Variants in TMEM51 observed in about 807,000 individuals in gnomAD.
TMEM51 encodes the protein transmembrane protein 51, also known as chromosome 1 open reading frame 72.
In TMEM51, 8 loss-of-function variants were observed where a neutral mutation model predicts 13.6. That is an observed-to-expected ratio of 0.59 (90% CI 0.35 to 1.07). The LOEUF (loss-of-function observed/expected upper bound fraction) is 1.07. Ranked by LOEUF, TMEM51 falls within the 50% of genes least tolerant of loss-of-function variation. The pLI, the probability that TMEM51 is intolerant of heterozygous loss-of-function variation, is 0.02. For missense variants in TMEM51, 279 were observed against 330.7 expected, an observed-to-expected ratio of 0.84 and a Z score of 1.21; for synonymous variants, 147 against 144.4, an observed-to-expected ratio of 1.02 and a Z score of -0.13.
intron 1 of TMEM51, among the ~76,000 whole-genome samples, chr1:15,166,162 G>A (rs1642990311): frequency 6.6e-6 from 1 of 152,126 alleles, no homozygotes; most frequent in Admixed American, 6.5e-5. Flanking sequence ...TAACAAAACT[G>A]TTATTGATAA....
chr1:15,177,978 GC>G (rs1643501168), intron 1 of TMEM51, among the ~76,000 whole-genome samples: 1 of 152,194 alleles, frequency 6.6e-6, no homozygotes, highest in Non-Finnish European at 1.5e-5. Context: ...CCTTTTCATG[GC>G]CCAGCTGAAA....
intron 1 of TMEM51, among the ~76,000 whole-genome samples, chr1:15,169,485 T>C (rs1035852993): frequency 2.0e-5 from 3 of 152,162 alleles, no homozygotes; most frequent in African/African-American, 7.2e-5. Context: ...TAAATGTGCG[T>C]GAGACTATGT....
Position 15,214,974 on chromosome 1 carries a change from T to C in TMEM51, c.-114T>C. The C allele has an allele frequency of 9.8e-7, 1 of 1,024,402 alleles. No individual in the cohort carries two copies. The highest frequency in any genetic ancestry group is 1.6e-5 in the South Asian group (1 of 60,940). 63.5% of individuals were successfully genotyped at this position (1,024,402 alleles called of 1,614,324 possible). On this transcript the variant is annotated 5_prime_UTR_variant, in exon 3 of 4. Coordinates refer to ENST00000376008, the MANE Select transcript of TMEM51 (RefSeq NM_001136218.2). ...CCGCAGGAGTTCAGCTGATATTTTC[T>C]AGTGTGGGGCGAGAGATTTTGTGGA...
At chr1:15,191,661 C>T (rs1643923775) in intron 1 of TMEM51, among the ~76,000 whole-genome samples, 1 of 152,206 alleles carries the variant, frequency 6.6e-6, no homozygotes, top group African/African-American at 2.4e-5. Context: ...ATTTTCTCTT[C>T]CTCCTCCTCA....
rs1644264524 is a variant in TMEM51 at position 15,207,166 on chromosome 1, TGC to T, written c.-266-3323_-266-3322del. ...ATGCAGCTTGGCAGGAAGAGGTCGG[TGC>T]AGGGAGAATGCTCAAGGAGCCCCTC... On this transcript the variant is annotated intron_variant, in intron 1 of 3. Transcript: ENST00000376008. The surrounding 1 kb of genome is among the most constrained non-coding windows in gnomAD (Gnocchi z 4.6). Among the ~76,000 whole-genome samples, 1 of 152,178 alleles carries T rather than the reference TGC, an allele frequency of 6.6e-6. No individual in the cohort carries two copies. Among genetic ancestry groups the T allele is most frequent in the Non-Finnish European group, 1.5e-5 (1 of 68,026 alleles).
At chr1:15,194,670 C>T (rs1644009945) in intron 1 of TMEM51, among the ~76,000 whole-genome samples, 1 of 152,136 alleles carries the variant, frequency 6.6e-6, no homozygotes, top group Admixed American at 6.5e-5. Context: ...CCTCTTTTCT[C>T]CCCTCTCCTA....
intron 2 of TMEM51, among the ~76,000 whole-genome samples, chr1:15,212,698 T>C (rs1644360859): frequency 6.6e-6 from 1 of 152,146 alleles, no homozygotes; most frequent in South Asian, 2.1e-4. Flanking sequence ...CTGTAAGAAA[T>C]AAATATCCTT....
intron 3 of TMEM51, among the ~76,000 whole-genome samples, chr1:15,218,768 T>C (rs548773017): frequency 6.6e-6 from 1 of 152,264 alleles, no homozygotes; most frequent in East Asian, 1.9e-4. Flanking sequence ...GACCTGGCAG[T>C]TACCATCCCT....
intron 1 of TMEM51, among the ~76,000 whole-genome samples, chr1:15,204,252 C>T (rs1644209637): frequency 6.6e-6 from 1 of 152,202 alleles, no homozygotes; most frequent in African/African-American, 2.4e-5. Flanking sequence ...CAGGGCTGAG[C>T]CTCCAAAGTT....
At chr1:15,219,094 G>T (rs1475309589) in intron 3 of TMEM51, among the ~76,000 whole-genome samples, 1 of 152,202 alleles carries the variant, frequency 6.6e-6, no homozygotes, top group Non-Finnish European at 1.5e-5. Context: ...TGCATGACTA[G>T]TACTTAACTC....
At chr1:15,192,766 A>G in intron 1 of TMEM51, 1 of 168,260 alleles carries the variant, frequency 5.9e-6, no homozygotes. Context: ...TGCTACTTTT[A>G]ACTTTTCTGG....
chr1:15,216,767 A>G (rs980551232), intron 3 of TMEM51, among the ~76,000 whole-genome samples: 1 of 152,210 alleles, frequency 6.6e-6, no homozygotes, highest in African/African-American at 2.4e-5. Flanking sequence ...AGTTCTATGC[A>G]GCAACTGTTG....
Position 15,215,406 on chromosome 1 carries a change from G to T in TMEM51, c.319G>T (p.Gly107Trp), listed in dbSNP as rs754430176. ...LAHVQHPTGA[G>W]PHAQEEDSQE... ...CCATGTCCAGCACCCGACAGGCGCT[G>T]GGCCTCACGCCCAGGAGGAAGACAG... Residue 107 changes from glycine to tryptophan, a missense_variant, in exon 3 of 4, where the codon GGG becomes TGG. By Grantham distance (184) the Gly-to-Trp change is radical (BLOSUM62 -2). Transcript: ENST00000376008. 6.2e-7 allele frequency: 1 copy of T among 1,606,626 alleles called. No individual in the cohort carries two copies. The highest frequency in any genetic ancestry group is 1.7e-5 in the Admixed American group (1 of 59,938).
intron 3 of TMEM51, 30 bp from the exon 4 acceptor site, chr1:15,219,296 C>A: frequency 6.5e-7 from 1 of 1,549,594 alleles, no homozygotes; most frequent in Non-Finnish European, 8.7e-7. Context: ...CACAGGCTAA[C>A]ACTCTCCCTG....
intron 1 of TMEM51, among the ~76,000 whole-genome samples, chr1:15,206,420 C>T (rs998131225): frequency 7.2e-5 from 11 of 152,112 alleles, no homozygotes; most frequent in Admixed American, 6.5e-4. Context: ...CCTGAAACAC[C>T]TCTGGGAACC....
At chr1:15,176,000 C>T (rs764014017) in intron 1 of TMEM51, among the ~76,000 whole-genome samples, 1 of 152,212 alleles carries the variant, frequency 6.6e-6, no homozygotes, top group Non-Finnish European at 1.5e-5. Flanking sequence ...TCAAAAGAAC[C>T]CATCTTCCAC....
rs1241308718 is a variant in TMEM51 at position 15,207,043 on chromosome 1, T to C, written c.-266-3447T>C. ...GGACTGGAAATTGTGACAAAAGTGA[T>C]TGTGGGCTGAAACTTGGCAGAGAGA... On this transcript the variant is annotated intron_variant, in intron 1 of 3. Coordinates refer to ENST00000376008, the MANE Select transcript of TMEM51 (RefSeq NM_001136218.2). The surrounding 1 kb of genome is among the most constrained non-coding windows in gnomAD (Gnocchi z 4.6). 6.6e-6 allele frequency among the ~76,000 whole-genome samples: 1 copy of C among 152,198 alleles called. No homozygotes were observed. The highest frequency in any genetic ancestry group is 2.4e-5 in the African/African-American group (1 of 41,454).
intron 1 of TMEM51, among the ~76,000 whole-genome samples, chr1:15,199,934 T>C (rs917903724): frequency 6.6e-6 from 1 of 152,114 alleles, no homozygotes; most frequent in Non-Finnish European, 1.5e-5. Context: ...GTGTGAAACA[T>C]ATTAGCAATA....
At position 15,219,389 on chromosome 1, in the gene TMEM51, A is replaced by G. The variant is rs374594857; in HGVS notation, c.408A>G (p.Glu136=). 2 of 1,610,420 alleles carry G rather than the reference A, an allele frequency of 1.2e-6. No individual in the cohort carries two copies. The highest frequency in any genetic ancestry group is 1.7e-6 in the Non-Finnish European group (2 of 1,177,204). The change falls in exon 4 of 4, where the codon GAA becomes GAG. Residue 136 remains glutamate, a synonymous_variant. Transcript: ENST00000376008. ...ASRYYVPSYE[E]VMNTNYSEAR... The stretch of plus-strand genomic sequence containing the variant: ...GGTACTATGTTCCCAGCTACGAGGA[A>G]GTGATGAACACAAACTACTCAGAAG...
Sources: gnomAD v4.1 joint callset for allele counts (sites outside exome capture counted in the v4.1 genomes callset) on GRCh38, gnomAD v4.1.1 for gene constraint, Gnocchi (gnomAD v3.1) non-coding constraint, MANE v1.5 for transcripts, NCBI Gene and HGNC (gene_info 2026-07-23, HGNC 2026-07-21) for gene names.